The following MID1 variants were observed in gnomAD, a reference collection of about 807,000 sequenced individuals.
MID1 encodes E3 ubiquitin-protein ligase Midline-1.
In MID1, 7 loss-of-function variants were observed where a neutral mutation model predicts 40.4. The ratio of observed to expected loss-of-function variants is 0.17; its 90% CI spans 0.10 to 0.33. MID1 has a LOEUF of 0.33. Among genes scored for constraint, MID1 ranks in the 10% least tolerant of loss-of-function variants. The pLI, the probability that MID1 is intolerant of heterozygous loss-of-function variation, is 1.00. For missense variants in MID1, 367 were observed against 558.5 expected, an observed-to-expected ratio of 0.66 and a Z score of 3.46; for synonymous variants, 229 against 221.2, an observed-to-expected ratio of 1.04 and a Z score of -0.31.
chrX:10,475,005 T>A lies in MID1; in HGVS notation c.1014-255A>T, dbSNP rs61151135. On this transcript the variant is annotated intron_variant, in intron 5 of 9. Coordinates refer to ENST00000317552, the MANE Select transcript of MID1 (RefSeq NM_000381.4). ...CCTTTTTACTATCAGGAAAAAAAAT[T>A]CCCTGCGAAAGCAAAAGAATATTCA... 2,312 of 420,002 alleles carry A rather than the reference T, an allele frequency of 5.5e-3. 35 individuals carry two copies. Among genetic ancestry groups the A allele is most frequent in the African/African-American group, 0.05 (2,024 of 40,766 alleles). 34.6% of individuals were successfully genotyped at this position (420,002 alleles called of 1,213,427 possible). A position where few individuals can be genotyped will look rare whatever the true frequency, so the allele number is the denominator to read the frequency against.
chrX:10,452,265 C>T (rs192724173), intron 9 of MID1, among the ~76,000 whole-genome samples: 39 of 111,822 alleles, frequency 3.5e-4, no homozygotes, highest in Non-Finnish European at 4.7e-4. Context: ...TGCATGAACC[C>T]GTTATTACTC....
At chrX:10,475,497 T>C (rs2147288870) in intron 5 of MID1, among the ~76,000 whole-genome samples, 1 of 112,102 alleles carries the variant, frequency 8.9e-6, no homozygotes, top group South Asian at 3.7e-4. Context: ...AATCTCCTTC[T>C]ATGTACTCTC....
At chrX:10,451,651 G>T (rs1028840699) in intron 9 of MID1, among the ~76,000 whole-genome samples, 2 of 111,755 alleles carry the variant, frequency 1.8e-5, no homozygotes, top group African/African-American at 6.5e-5. Context: ...AATCATGGGG[G>T]CAGGTCCTTT....
At chrX:10,609,721 T>C (rs1334846076) in intron 1 of MID1, among the ~76,000 whole-genome samples, 3 of 99,660 alleles carry the variant, frequency 3.0e-5, no homozygotes, top group African/African-American at 7.5e-5. Flanking sequence ...CTTTCTTTTT[T>C]TTTTTTTTTT....
chrX:10,623,644 T>C (rs1042527978), upstream of MID1, among the ~76,000 whole-genome samples: 1 of 111,922 alleles, frequency 8.9e-6, no homozygotes, highest in Non-Finnish European at 1.9e-5. Context: ...CTAACAGTAT[T>C]TGTGCCACCT....
intron 1 of MID1, among the ~76,000 whole-genome samples, chrX:10,662,065 G>A (rs2042917557): frequency 8.9e-6 from 1 of 111,886 alleles, no homozygotes; most frequent in South Asian, 3.8e-4. Flanking sequence ...AGCACTTTGG[G>A]AGGCCGAGGT....
chrX:10,656,764 T>A (rs868445157), intron 1 of MID1, among the ~76,000 whole-genome samples: 8 of 109,817 alleles, frequency 7.3e-5, no homozygotes, highest in East Asian at 2.8e-4. Context: ...GTGATTTTTT[T>A]TAAAAAAAAA....
At chrX:10,628,156 A>G (rs1195984673) in intron 1 of MID1, among the ~76,000 whole-genome samples, 1 of 110,795 alleles carries the variant, frequency 9.0e-6, no homozygotes, top group African/African-American at 3.3e-5. Context: ...AACTTGTCAT[A>G]AGTTTTTTTT....
chrX:10,537,894 CCT>C (rs1328745679), intron 2 of MID1, among the ~76,000 whole-genome samples: 3 of 112,060 alleles, frequency 2.7e-5, no homozygotes, highest in South Asian at 7.5e-4. Context: ...TTGCTGGTCC[CCT>C]GTTATTTTAA....
intron 2 of MID1, among the ~76,000 whole-genome samples, chrX:10,525,729 G>T (rs1932817605): frequency 8.9e-6 from 1 of 112,428 alleles, no homozygotes; most frequent in African/African-American, 3.2e-5. Flanking sequence ...CAGTGCCTCT[G>T]CTTCCTTCCA....
intron 1 of MID1, among the ~76,000 whole-genome samples, chrX:10,585,010 T>G (rs908713734): frequency 7.2e-5 from 8 of 110,756 alleles, no homozygotes; most frequent in South Asian, 3.9e-4. Context: ...GACAGGGGCT[T>G]CATGCACCGG....
In MID1 at chrX:10,770,146, A is replaced by C. The variant is rs768320703; in HGVS notation, c.-187+63408T>G. 8.6e-4 allele frequency among the ~76,000 whole-genome samples: 96 copies of C among 111,587 alleles called. 1 individual carries two copies. The highest frequency in any genetic ancestry group is 1.9e-3 in the South Asian group (5 of 2,638). On this transcript the variant is annotated intron_variant, in intron 1 of 10. Coordinates refer to the MID1 transcript ENST00000380785. ...AACATGTCAGCCAGGGTCCGCCCTC[A>C]TCTCTTCCCTCAGACTGCAAACTGC...
intron 1 of MID1, among the ~76,000 whole-genome samples, chrX:10,603,389 T>C (rs1935568210): frequency 1.8e-5 from 2 of 112,184 alleles, no homozygotes; most frequent in Non-Finnish European, 1.9e-5. Flanking sequence ...AGAGGTAAAC[T>C]AGGCAAAGTC....
intron 2 of MID1, among the ~76,000 whole-genome samples, chrX:10,564,418 AAAAC>A (rs1311889244): frequency 8.9e-6 from 1 of 112,629 alleles, no homozygotes; most frequent in African/African-American, 3.2e-5. Flanking sequence ...GGCATGTTTT[AAAAC>A]AAACATGCTA....
intron 1 of MID1, among the ~76,000 whole-genome samples, chrX:10,571,796 C>T (rs1320695300): frequency 9.1e-6 from 1 of 109,920 alleles, no homozygotes; most frequent in Non-Finnish European, 1.9e-5. Context: ...TGGCACATGC[C>T]TGTGGTCCCA....
At chrX:10,778,336 G>A (rs1257402789) in intron 1 of MID1, among the ~76,000 whole-genome samples, 1 of 110,468 alleles carries the variant, frequency 9.1e-6, no homozygotes, top group Non-Finnish European at 1.9e-5. Context: ...GTGGTCCATT[G>A]TTGACCAAAA....
At chrX:10,645,064 G>A (rs1184906748) in intron 1 of MID1, among the ~76,000 whole-genome samples, 1 of 111,539 alleles carries the variant, frequency 9.0e-6, no homozygotes, top group Non-Finnish European at 1.9e-5. Context: ...TAGTTGAGCC[G>A]GGGCAGTGCA....
chrX:10,816,725 C>T (rs1025216910), intron 1 of MID1, among the ~76,000 whole-genome samples: 2 of 112,158 alleles, frequency 1.8e-5, no homozygotes, highest in African/African-American at 6.5e-5. Context: ...GACATTATTT[C>T]CATGTACATG....
At chrX:10,497,983 A>G (rs1931346633) in intron 3 of MID1, among the ~76,000 whole-genome samples, 2 of 112,704 alleles carry the variant, frequency 1.8e-5, no homozygotes, top group Admixed American at 1.9e-4. Context: ...AATGTAATGG[A>G]GCAAGTAGTT....
Sources: gnomAD v4.1 joint callset for allele counts (sites outside exome capture counted in the v4.1 genomes callset) on GRCh38, gnomAD v4.1.1 for gene constraint, MANE v1.5 for transcripts, NCBI Gene and HGNC (gene_info 2026-07-23, HGNC 2026-07-21) for gene names.